NRXN3: variants seen among roughly 807,000 people sequenced by gnomAD.
NRXN3 encodes the protein neurexin 3, also known as neurexin III.
In NRXN3, 32 loss-of-function variants were observed where a neutral mutation model predicts 137.6. That is an observed-to-expected ratio of 0.23 (90% confidence interval 0.18 to 0.31). The LOEUF is 0.31. NRXN3 is among the 10% of genes least tolerant of loss of function. The pLI is 1.00. For synonymous variants in NRXN3, 798 were observed against 784.5 expected (o/e 1.02, Z -0.29); for missense variants, 1,574 against 2,062.5 (o/e 0.76, Z 4.59).
intron 4 of NRXN3, among the ~76,000 whole-genome samples, chr14:78,500,062 G>A (rs542998125): frequency 2.6e-5 from 4 of 152,284 alleles, no homozygotes; most frequent in East Asian, 1.9e-4. Context: ...TGAGGCTATC[G>A]TAGTCTGCCA....
chr14:78,905,786 A>G (rs2099214243), intron 10 of NRXN3, among the ~76,000 whole-genome samples: 1 of 152,062 alleles, frequency 6.6e-6, no homozygotes, highest in South Asian at 2.1e-4. Context: ...AAGATAATCC[A>G]TAATCTGTCG....
intron 4 of NRXN3, among the ~76,000 whole-genome samples, chr14:78,536,793 TC>T (rs1302664788): frequency 6.0e-5 from 9 of 150,144 alleles, no homozygotes; most frequent in African/African-American, 2.2e-4. Flanking sequence ...TGTGTGATGT[TC>T]CCCGGCCTGT....
At chr14:78,915,936 G>A (rs1297430186) in intron 10 of NRXN3, among the ~76,000 whole-genome samples, 1 of 152,130 alleles carries the variant, frequency 6.6e-6, no homozygotes, top group Admixed American at 6.5e-5. Context: ...AGTGCAGACT[G>A]TAATTCAATA....
At chr14:78,864,220 G>A (rs2099080571) in intron 10 of NRXN3, among the ~76,000 whole-genome samples, 1 of 152,066 alleles carries the variant, frequency 6.6e-6, no homozygotes, top group South Asian at 2.1e-4. Context: ...TTAAGAAGAA[G>A]GACATGCCTG....
At chr14:79,327,876 G>C (rs572386495) in intron 15 of NRXN3, among the ~76,000 whole-genome samples, 18 of 152,314 alleles carry the variant, frequency 1.2e-4, no homozygotes, top group African/African-American at 3.8e-4. Context: ...TTGATGTACA[G>C]ATAAGAAAAG....
At chr14:79,717,899 A>T (rs1029326208) in intron 19 of NRXN3, among the ~76,000 whole-genome samples, 2 of 152,170 alleles carry the variant, frequency 1.3e-5, no homozygotes, top group Admixed American at 6.5e-5. Context: ...CATTCATTCC[A>T]CAAACATTTT....
chr14:79,573,609 G>C (rs2097634733), intron 16 of NRXN3, among the ~76,000 whole-genome samples: 1 of 152,124 alleles, frequency 6.6e-6, no homozygotes, highest in Admixed American at 6.6e-5. Flanking sequence ...GCTTTAGAAA[G>C]AAGGTCAACC....
chr14:79,167,767 T>C (rs1214704294), intron 15 of NRXN3, among the ~76,000 whole-genome samples: 1 of 151,920 alleles, frequency 6.6e-6, no homozygotes, highest in South Asian at 2.1e-4. Context: ...TTACAACTTA[T>C]TCTTCCTTGT....
chr14:79,251,062 C>T (rs1298736592), intron 15 of NRXN3, among the ~76,000 whole-genome samples: 5 of 152,088 alleles, frequency 3.3e-5, no homozygotes. Context: ...CTACAGCTGA[C>T]ATGATAGGAC....
At chr14:78,330,042 G>C (rs1286778965) in intron 4 of NRXN3, among the ~76,000 whole-genome samples, 2 of 152,116 alleles carry the variant, frequency 1.3e-5, no homozygotes, top group Non-Finnish European at 2.9e-5. Flanking sequence ...GCAATGGAAG[G>C]CTCAGTATTG....
At chr14:78,997,769 C>T (rs555183828) in intron 15 of NRXN3, among the ~76,000 whole-genome samples, 3 of 152,334 alleles carry the variant, frequency 2.0e-5, no homozygotes, top group East Asian at 3.9e-4. Context: ...ATAGTTTCAT[C>T]TTCTCAGAAA....
chr14:79,565,187 T>A (rs1390075520), intron 16 of NRXN3, among the ~76,000 whole-genome samples: 1 of 138,726 alleles, frequency 7.2e-6, no homozygotes, highest in Non-Finnish European at 1.6e-5. Context: ...TATAAATGGA[T>A]TGTAGCTAGT....
intron 12 of NRXN3, 70 bp downstream of exon 12, chr14:78,966,476 A>T (rs910700108): frequency 4.7e-6 from 7 of 1,499,894 alleles, no homozygotes; most frequent in Non-Finnish European, 5.4e-6. Context: ...AAATATGGAC[A>T]TAAAAATAAC....
intron 15 of NRXN3, among the ~76,000 whole-genome samples, chr14:79,339,956 C>T (rs745540901): frequency 1.3e-5 from 2 of 152,074 alleles, no homozygotes; most frequent in African/African-American, 4.8e-5. Context: ...TCCTGTGAAA[C>T]CATTAGAAAC....
intron 20 of NRXN3, among the ~76,000 whole-genome samples, chr14:79,811,943 G>T (rs1394931382): frequency 1.3e-5 from 2 of 151,918 alleles, no homozygotes; most frequent in Admixed American, 1.3e-4. Flanking sequence ...AACCATTGCA[G>T]TAACTATGTG....
chr14:79,035,168 G>C (rs1595184303), intron 15 of NRXN3, among the ~76,000 whole-genome samples: 1 of 152,070 alleles, frequency 6.6e-6, no homozygotes, highest in African/African-American at 2.4e-5. Flanking sequence ...AATTTGTTAA[G>C]TCCATTCTAT....
chr14:79,211,489 T>C (rs1013134563), intron 15 of NRXN3, among the ~76,000 whole-genome samples: 5 of 152,262 alleles, frequency 3.3e-5, no homozygotes, highest in African/African-American at 1.2e-4. Flanking sequence ...CTTATGTAAG[T>C]GAAATCTCAC....
intron 19 of NRXN3, among the ~76,000 whole-genome samples, chr14:79,773,908 A>G (rs2099088364): frequency 6.6e-6 from 1 of 151,868 alleles, no homozygotes; most frequent in South Asian, 2.1e-4. Context: ...CCGGTAGGTT[A>G]TAGACCTAAC....
At chr14:79,200,461 C>T (rs1419078494) in intron 15 of NRXN3, among the ~76,000 whole-genome samples, 1 of 152,086 alleles carries the variant, frequency 6.6e-6, no homozygotes, top group African/African-American at 2.4e-5. Context: ...GGTCTCAGAA[C>T]AGACAGAGGA....
Sources: gnomAD v4.1 joint callset for allele counts (sites outside exome capture counted in the v4.1 genomes callset) on GRCh38, gnomAD v4.1.1 for gene constraint, MANE v1.5 for transcripts, NCBI Gene and HGNC (gene_info 2026-07-23, HGNC 2026-07-21) for gene names.